TRAM2: variants seen among roughly 807,000 people sequenced by gnomAD.
TRAM2 encodes translocation associated membrane protein 2, also known as translocating chain-associated membrane protein 2.
A neutral mutation model predicts 51.0 loss-of-function variants in TRAM2; 12 were observed. The ratio of observed to expected loss-of-function variants is 0.24; its 90% CI spans 0.15 to 0.38. The LOEUF (loss-of-function observed/expected upper bound fraction) is 0.38, where lower values mean the gene tolerates loss of function less well. TRAM2 is among the 10% of genes least tolerant of loss of function. TRAM2 has a pLI of 1.00. For synonymous variants in TRAM2, 175 were observed against 179.4 expected, an observed-to-expected ratio of 0.98 and a Z score of 0.20; for missense variants, 361 against 462.0, an observed-to-expected ratio of 0.78 and a Z score of 2.00.
chr6:52,528,312 AG>A (rs1383372351), intron 2 of TRAM2, among the ~76,000 whole-genome samples: 11 of 152,200 alleles, frequency 7.2e-5, no homozygotes, highest in Admixed American at 7.2e-4. Flanking sequence ...GCCACAGATT[AG>A]GTAGCTTTCA....
At chr6:52,576,042 C>G (rs559538262) in intron 1 of TRAM2, among the ~76,000 whole-genome samples, 1 of 152,134 alleles carries the variant, frequency 6.6e-6, no homozygotes, top group Non-Finnish European at 1.5e-5. Flanking sequence ...CTCTGCCCCC[C>G]ACTCCTACAC....
At chr6:52,563,669 T>TG (rs1767539453) in intron 1 of TRAM2, among the ~76,000 whole-genome samples, 2 of 110,350 alleles carry the variant, frequency 1.8e-5, no homozygotes, top group Admixed American at 2.8e-4. Context: ...CACTCCAGCC[T>TG]GGGGGACAGA....
intron 4 of TRAM2, among the ~76,000 whole-genome samples, chr6:52,512,963 A>G (rs981872657): frequency 6.6e-6 from 1 of 152,230 alleles, no homozygotes; most frequent in Non-Finnish European, 1.5e-5. Context: ...AGGTTCTAAA[A>G]GATGAAGCCA....
Position 52,506,035 on chromosome 6 carries a change from T to C in TRAM2, c.728A>G (p.Lys243Arg), listed in dbSNP as rs1392040143. Residue 243 changes from lysine to arginine, a missense_variant, in exon 8 of 11, where the codon AAA becomes AGA. Coordinates refer to ENST00000182527, the MANE Select transcript of TRAM2 (RefSeq NM_012288.4). ...AGCCTGCAGCAGACCCACTTACAGTTTCTCGTTGTTTTCATCTGCAAAGTA... is the reference window on the plus strand; with the variant it reads ...AGCCTGCAGCAGACCCACTTACAGTCTCTCGTTGTTTTCATCTGCAAAGTA... ...LFYFADENNE[K>R]LFSAWAAVFG... is the part of the protein sequence containing the mutation. 4 of 1,613,858 alleles carry C rather than the reference T, an allele frequency of 2.5e-6. No individual in the cohort carries two copies. The highest frequency in any genetic ancestry group is 3.4e-6 in the Non-Finnish European group (4 of 1,179,912).
chr6:52,541,851 G>A (rs954415980), intron 1 of TRAM2, among the ~76,000 whole-genome samples: 1 of 149,026 alleles, frequency 6.7e-6, no homozygotes, highest in African/African-American at 2.5e-5. Context: ...ACTTGGAAGG[G>A]GCTGTGTGGG....
intron 2 of TRAM2, among the ~76,000 whole-genome samples, chr6:52,527,013 A>G (rs2114079368): frequency 6.6e-6 from 1 of 152,324 alleles, no homozygotes; most frequent in Middle Eastern, 3.4e-3. Context: ...AAACTTACAG[A>G]AAAAATAACA....
At chr6:52,556,084 G>A (rs1204653548) in intron 1 of TRAM2, among the ~76,000 whole-genome samples, 2 of 152,054 alleles carry the variant, frequency 1.3e-5, no homozygotes, top group Non-Finnish European at 2.9e-5. Context: ...GAGGGAGACA[G>A]CACTAAGCAG....
At chr6:52,531,429 T>A (rs997228748) in intron 2 of TRAM2, among the ~76,000 whole-genome samples, 1 of 152,228 alleles carries the variant, frequency 6.6e-6, no homozygotes, top group African/African-American at 2.4e-5. Context: ...TAAAACACTT[T>A]ATCTTCTCTT....
At chr6:52,516,442 TGCTGATTAAAGGAG>T (rs894070319) in intron 3 of TRAM2, 172 bp downstream of exon 3, 1 of 616,982 alleles carries the variant, frequency 1.6e-6, no homozygotes, top group African/African-American at 1.8e-5. Context: ...CTGTCCCATG[TGCTGATTAAAGGAG>T]GCTGTGAACA....
At chr6:52,550,571 G>A (rs989396249) in intron 1 of TRAM2, among the ~76,000 whole-genome samples, 1 of 151,286 alleles carries the variant, frequency 6.6e-6, no homozygotes, top group African/African-American at 2.4e-5. Flanking sequence ...TTTTTTTTGC[G>A]ACAGGGTTTC....
chr6:52,516,278 A>C (rs1766547720), intron 3 of TRAM2, 156 bp from the exon 4 acceptor site: 1 of 685,210 alleles, frequency 1.5e-6, no homozygotes, highest in African/African-American at 1.8e-5. Context: ...TACTGCGTGC[A>C]TACAGTGCTT....
intron 4 of TRAM2, among the ~76,000 whole-genome samples, chr6:52,509,950 T>C (rs1485799231): frequency 6.6e-6 from 1 of 152,190 alleles, no homozygotes; most frequent in African/African-American, 2.4e-5. Flanking sequence ...AGAGTTATTG[T>C]TGGAAATGAA....
intron 9 of TRAM2, 150 bp from the exon 10 acceptor site, chr6:52,504,904 T>C (rs751321497): frequency 1.5e-6 from 1 of 655,740 alleles, no homozygotes; most frequent in Non-Finnish European, 2.6e-6. Context: ...ATACCACCAC[T>C]ATCACCAGGA....
At chr6:52,526,854 AC>A in intron 2 of TRAM2, among the ~76,000 whole-genome samples, 1 of 152,216 alleles carries the variant, frequency 6.6e-6, no homozygotes, top group African/African-American at 2.4e-5. Flanking sequence ...TGGGCATGAC[AC>A]ATGCATTCCA....
rs759455816 is a variant in TRAM2 at position 52,507,585 on chromosome 6, G to A, written c.594C>T (p.Tyr198=). ...GGTATGCTCCAGCTATATGCACCAGGTACAGGCAAATATACTGGAGCTGGC... is the reference window on the plus strand; with the variant it reads ...GGTATGCTCCAGCTATATGCACCAGATACAGGCAAATATACTGGAGCTGGC... ...IPRQLQYICL[Y]LVHIAGAYLL... The change falls in exon 7 of 11, where the codon TAC becomes TAT. Residue 198 remains tyrosine, a synonymous_variant. Transcript: ENST00000182527. The A allele has an allele frequency of 1.2e-6, 2 of 1,614,190 alleles. No homozygotes were observed. Among genetic ancestry groups the A allele is most frequent in the Non-Finnish European group, 1.7e-6 (2 of 1,180,030 alleles).
At chr6:52,555,117 C>G (rs996370315) in intron 1 of TRAM2, among the ~76,000 whole-genome samples, 2 of 152,194 alleles carry the variant, frequency 1.3e-5, no homozygotes, top group African/African-American at 4.8e-5. Context: ...GTTCAAAAGG[C>G]TTCTGAAAAG....
Position 52,554,766 on chromosome 6 carries a change from C to CTTT in TRAM2, c.121-18923_121-18921dup, listed in dbSNP as rs549322729. 6.8e-4 allele frequency among the ~76,000 whole-genome samples: 91 copies of CTTT among 133,384 alleles called. 1 individual carries two copies. Among genetic ancestry groups the CTTT allele is most frequent in the African/African-American group, 2.4e-3 (86 of 35,428 alleles). The allele number at this position is 133,384 out of a possible 152,430, so 87.5% of individuals were successfully genotyped here. A position where few individuals can be genotyped will look rare whatever the true frequency, so the allele number is the denominator to read the frequency against. ...GTTACATTTCCACTTAGAGTCAATC[C>CTTT]TTTTTTTTTTTTTTTTTTAACAGAG... On this transcript the variant is annotated intron_variant, in intron 1 of 10. Transcript: ENST00000182527.
chr6:52,562,257 G>GCTC (rs1767514326), intron 1 of TRAM2, among the ~76,000 whole-genome samples: 2 of 152,134 alleles, frequency 1.3e-5, no homozygotes, highest in Non-Finnish European at 2.9e-5. Context: ...GAGTATGACG[G>GCTC]GCTGCACATG....
intron 1 of TRAM2, among the ~76,000 whole-genome samples, chr6:52,564,043 A>G (rs1315147510): frequency 6.6e-6 from 1 of 152,184 alleles, no homozygotes; most frequent in Non-Finnish European, 1.5e-5. Flanking sequence ...CAGCAGGGAT[A>G]GAAAAGCTTC....
Sources: gnomAD v4.1 joint callset for allele counts (sites outside exome capture counted in the v4.1 genomes callset) on GRCh38, gnomAD v4.1.1 for gene constraint, MANE v1.5 for transcripts, NCBI Gene and HGNC (gene_info 2026-07-23, HGNC 2026-07-21) for gene names.